Variants in ADCY3 observed in about 807,000 individuals in gnomAD.
ADCY3 encodes adenylate cyclase 3, also known as adenylate cyclase type 3.
Under a neutral mutation model 119.4 loss-of-function variants are expected in ADCY3, and 70 were observed. The ratio of observed to expected loss-of-function variants is 0.59; its 90% CI spans 0.48 to 0.72. The LOEUF is 0.72. Ranked by LOEUF, ADCY3 falls within the 30% of genes least tolerant of loss-of-function variation. The pLI, the probability that ADCY3 is intolerant of heterozygous loss-of-function variation, is 0.00. For missense variants in ADCY3, 1,238 were observed against 1,541.6 expected (o/e 0.80, Z 3.30); for synonymous variants, 672 against 621.4 (o/e 1.08, Z -1.21).
In ADCY3 at chr2:24,830,777, G is replaced by A. The variant is rs771864583; in HGVS notation, c.2104C>T (p.Arg702Cys). The A allele has an allele frequency of 3.1e-6, 5 of 1,614,098 alleles. No individual in the cohort carries two copies. Among genetic ancestry groups the A allele is most frequent in the East Asian group, 2.2e-5 (1 of 44,882 alleles). ...ATGGCCCAGGTGTTCCTGGCCCAGCGGGTCCGGTCAATCCAAGTTGAGAAG... is the reference window on the plus strand; with the variant it reads ...ATGGCCCAGGTGTTCCTGGCCCAGCAGGTCCGGTCAATCCAAGTTGAGAAG... ...VAFSTWIDRT[R>C]WARNTWAMLA... is the part of the protein sequence containing the mutation. Residue 702 changes from arginine to cysteine, a missense_variant, in exon 13 of 22, where the codon CGC becomes TGC. Arg to Cys is a radical substitution (Grantham distance 180, BLOSUM62 -3). Transcript: ENST00000679454.
chr2:24,871,132 G>A (rs1275420134), intron 3 of ADCY3, among the ~76,000 whole-genome samples: 1 of 105,234 alleles, frequency 9.5e-6, no homozygotes, highest in African/African-American at 5.7e-5. Flanking sequence ...GGTGACACAT[G>A]CATTTTTTTT....
At chr2:24,820,347 A>G in intron 21 of ADCY3, 1 of 1,334,930 alleles carries the variant, frequency 7.5e-7, no homozygotes, top group South Asian at 2.1e-5. Context: ...CTTCTCTCCT[A>G]GGATGGCCAT....
intron 11 of ADCY3, among the ~76,000 whole-genome samples, chr2:24,832,487 G>A (rs747969262): frequency 1.3e-5 from 2 of 152,176 alleles, no homozygotes; most frequent in South Asian, 2.1e-4. Flanking sequence ...GACAACTCCC[G>A]GAAACCTGTT....
At position 24,899,922 on chromosome 2, in the gene ADCY3, C is replaced by T. The variant is rs374017057; in HGVS notation, c.675+18391G>A. ...CTGTCTAGGTTGAATTATTTTCTTA[C>T]AATAGTGCTTCATAATATAGAAGAA... On this transcript the variant is annotated intron_variant, in intron 2 of 21. Transcript: ENST00000679454. The surrounding 1 kb of genome is among the most constrained non-coding windows in gnomAD (Gnocchi z 4.5). 6.6e-6 allele frequency among the ~76,000 whole-genome samples: 1 copy of T among 152,194 alleles called. No homozygotes were observed. The highest frequency in any genetic ancestry group is 2.4e-5 in the African/African-American group (1 of 41,536).
chr2:24,828,182 C>T lies in ADCY3; in HGVS notation c.2173-21G>A, dbSNP rs1668894399. 2.5e-6 allele frequency: 4 copies of T among 1,610,430 alleles called. 1 individual carries two copies. The South Asian group carries it at 4.4e-5, about 18-fold the overall frequency. On this transcript the variant is annotated intron_variant, in intron 13 of 21. Coordinates refer to ENST00000679454, the MANE Select transcript of ADCY3 (RefSeq NM_004036.5). The stretch of plus-strand genomic sequence containing the variant: ...CTGAGCTGGAGGCCAGGACGGCGGG[C>T]AGGGACACACGTTCAAGAGAACAGC...
Position 24,821,637 on chromosome 2 carries a change from C to T in ADCY3, c.3007G>A (p.Asp1003Asn). The T allele has an allele frequency of 6.2e-7, 1 of 1,613,956 alleles. No homozygotes were observed. Among genetic ancestry groups the T allele is most frequent in the Non-Finnish European group, 8.5e-7 (1 of 1,179,978 alleles). ...TNGFASSNKE[D>N]KSERERWQHL... ...TGCCAGCGCTCTCTCTCGGACTTGTCTTCCTGTGCCAGGGGACCGTGGAGA... is the reference window on the plus strand; with the variant it reads ...TGCCAGCGCTCTCTCTCGGACTTGTTTTCCTGTGCCAGGGGACCGTGGAGA... Residue 1003 changes from aspartate to asparagine, a missense_variant, in exon 20 of 22, where the codon GAC becomes AAC. This residue lies in a region of ADCY3 where 63 missense variants were observed against 62.8 expected (regional missense o/e 1.00). Transcript: ENST00000679454.
chr2:24,821,729 G>A, intron 19 of ADCY3, 89 bp from the exon 20 acceptor site: 1 of 1,546,220 alleles, frequency 6.5e-7, no homozygotes, highest in Non-Finnish European at 8.7e-7. Context: ...TCTGGGGGTG[G>A]ATTCCCTACA....
intron 2 of ADCY3, among the ~76,000 whole-genome samples, chr2:24,873,095 C>A (rs967549478): frequency 6.6e-6 from 1 of 152,234 alleles, no homozygotes; most frequent in Non-Finnish European, 1.5e-5. Context: ...CCCATTCATT[C>A]CTTCACGCAT....
rs375375878 is a variant in ADCY3 at position 24,834,149 on chromosome 2, C to T, written c.1967+336G>A. ...GGTCAGCCTTGGTGACTGAGACTGA[C>T]GCAGTGTCCCCATCTTTGTCCCAAG... On this transcript the variant is annotated intron_variant, in intron 11 of 21. Transcript: ENST00000679454. The surrounding 1 kb of genome is among the most constrained non-coding windows in gnomAD (Gnocchi z 4.2). 5.9e-5 allele frequency among the ~76,000 whole-genome samples: 9 copies of T among 152,310 alleles called. No individual in the cohort carries two copies. The highest frequency in any genetic ancestry group is 1.9e-4 in the East Asian group (1 of 5,168).
intron 2 of ADCY3, among the ~76,000 whole-genome samples, chr2:24,917,507 C>T (rs1268494747): frequency 3.3e-5 from 5 of 152,218 alleles, no homozygotes; most frequent in Admixed American, 3.3e-4. Context: ...CTCAGGTCCC[C>T]TGGTCTCTGC....
chr2:24,866,070 G>A (rs529017420), intron 3 of ADCY3, among the ~76,000 whole-genome samples: 1 of 152,116 alleles, frequency 6.6e-6, no homozygotes, highest in Non-Finnish European at 1.5e-5. Flanking sequence ...GTATTTGCAT[G>A]GGGCAAGAGA....
chr2:24,868,283 T>A (rs1467493286), intron 3 of ADCY3, among the ~76,000 whole-genome samples: 1 of 152,190 alleles, frequency 6.6e-6, no homozygotes, highest in East Asian at 1.9e-4. Flanking sequence ...ATATGGCATA[T>A]TAAAACTTGT....
chr2:24,836,954 C>G lies in ADCY3; in HGVS notation c.1625G>C (p.Gly542Ala). Residue 542 changes from glycine (G) to alanine (A), a missense_variant, in exon 9 of 22, where the codon GGG (glycine) becomes GCG (alanine). Gly to Ala is a moderately conservative substitution (Grantham distance 60). Coordinates refer to ENST00000679454, the MANE Select transcript of ADCY3 (RefSeq NM_004036.5). The part of the protein sequence containing the change: ...KEPNGSAHSS[G>A]STSEKPEEQD... ...CTCCTCGGGCTTCTCCGACGTGGACCCACTGCTGTGGGCACTCCCGTTGGG... is the reference window on the plus strand; with the variant it reads ...CTCCTCGGGCTTCTCCGACGTGGACGCACTGCTGTGGGCACTCCCGTTGGG... 2 of 1,613,846 alleles carry G rather than the reference C, an allele frequency of 1.2e-6. No homozygotes were observed. Among genetic ancestry groups the G allele is most frequent in the Non-Finnish European group, 1.7e-6 (2 of 1,180,022 alleles).
chr2:24,846,334 G>A (rs1289474127), intron 3 of ADCY3, among the ~76,000 whole-genome samples: 1 of 152,192 alleles, frequency 6.6e-6, no homozygotes, highest in African/African-American at 2.4e-5. Context: ...AAAGCCCCAG[G>A]GGCAGAGCTG....
rs1266069648 is a variant in ADCY3, at chr2:24,918,265, G to A, written c.675+48C>T. 5 of 1,510,768 alleles carry A rather than the reference G, an allele frequency of 3.3e-6. No homozygotes were observed. The highest frequency in any genetic ancestry group is 4.4e-6 in the Non-Finnish European group (5 of 1,131,248). 93.6% of individuals were successfully genotyped at this position (1,510,768 alleles called of 1,614,324 possible). On this transcript the variant is annotated intron_variant, in intron 2 of 21. Coordinates refer to ENST00000679454, the MANE Select transcript of ADCY3 (RefSeq NM_004036.5). This position sits in a 1 kb window ranked among gnomAD's most constrained non-coding sequence, Gnocchi z 5.4. ...CAACTCCAACAGGTCCCAAGTTGGT[G>A]AGAGCTGCAGGAGAGGACGCTGTGG...
Position 24,821,648 on chromosome 2 carries a change from A to C in ADCY3, c.3004-8T>G. On this transcript the variant is annotated splice_polypyrimidine_tract_variant and splice_region_variant and intron_variant, in intron 19 of 21. Coordinates refer to ENST00000679454, the MANE Select transcript of ADCY3 (RefSeq NM_004036.5). Reference sequence around the variant, plus strand: ...TCTCTCGGACTTGTCTTCCTGTGCCAGGGGACCGTGGAGAAAGTGTCAGGG... The same window carrying C: ...TCTCTCGGACTTGTCTTCCTGTGCCCGGGGACCGTGGAGAAAGTGTCAGGG... 1 of 1,613,702 alleles carries C rather than the reference A, an allele frequency of 6.2e-7. No homozygotes were observed. Among genetic ancestry groups the C allele is most frequent in the Non-Finnish European group, 8.5e-7 (1 of 1,179,850 alleles).
At chr2:24,901,268 A>T (rs899547724) in intron 2 of ADCY3, among the ~76,000 whole-genome samples, 1 of 152,202 alleles carries the variant, frequency 6.6e-6, no homozygotes, top group South Asian at 2.1e-4. Context: ...AAGGCCATGC[A>T]TTTATTTCTG....
At chr2:24,892,486 C>A (rs928780776) in intron 2 of ADCY3, among the ~76,000 whole-genome samples, 4 of 152,074 alleles carry the variant, frequency 2.6e-5, no homozygotes, top group Non-Finnish European at 5.9e-5. Context: ...CTCCTGACCT[C>A]GTGATCCACC....
intron 2 of ADCY3, among the ~76,000 whole-genome samples, chr2:24,910,766 C>A: frequency 6.6e-6 from 1 of 151,648 alleles, no homozygotes; most frequent in African/African-American, 2.4e-5. Flanking sequence ...CCTGCCTCAG[C>A]CTCCCCAGTA....
Sources: allele counts gnomAD v4.1 joint callset (sites outside exome capture counted in the v4.1 genomes callset), GRCh38; gene constraint gnomAD v4.1.1; regional missense constraint gnomAD v4.1.1; non-coding constraint Gnocchi (gnomAD v3.1); transcripts MANE v1.5; gene names NCBI Gene and HGNC (gene_info 2026-07-23, HGNC 2026-07-21).